The following NOMO1 variants were observed in gnomAD, a reference collection of about 807,000 sequenced individuals.
The protein encoded by NOMO1 is nodal modulator 3.
In NOMO1, 40 loss-of-function variants were observed where a neutral mutation model predicts 133.8. That is an observed-to-expected ratio of 0.30 (90% CI 0.23 to 0.39). The LOEUF (loss-of-function observed/expected upper bound fraction) is 0.39. NOMO1 is among the 10% of genes least tolerant of loss of function. The pLI, the probability that NOMO1 is intolerant of heterozygous loss-of-function variation, is 1.00. For synonymous variants in NOMO1, 236 were observed against 570.5 expected (o/e 0.41, Z 8.36); for missense variants, 462 against 1,419.9 (o/e 0.33, Z 10.84).
Position 14,889,133 on chromosome 16 carries a change from C to T in NOMO1, c.3362C>T (p.Ser1121Phe), listed in dbSNP as rs1261621200. The T allele has an allele frequency of 5.6e-6, 9 of 1,611,644 alleles. No homozygotes were observed. Among genetic ancestry groups the T allele is most frequent in the Admixed American group, 1.7e-5 (1 of 59,978 alleles). ...VVLLDSTLPR[S>F]QYDYILPQVS... ...CTTCTGGACTCCACACTCCCCAGAT[C>T]CCAGTATGACTACATCTTGCCTCAA... The change falls in exon 29 of 31, where the codon TCC (serine) becomes TTC (phenylalanine). Residue 1121 changes from serine to phenylalanine, a missense_variant. Transcript: ENST00000287667.
At chr16:14,877,915 T>TCAAAC (rs57987674) in intron 22 of NOMO1, among the ~76,000 whole-genome samples, 5 of 135,520 alleles carry the variant, frequency 3.7e-5, no homozygotes, top group African/African-American at 1.4e-4. Context: ...GAAATAAAAA[T>TCAAAC]TAAGTGCCTA....
At chr16:14,840,500 T>C in intron 2 of NOMO1, among the ~76,000 whole-genome samples, 1 of 108,376 alleles carries the variant, frequency 9.2e-6, no homozygotes, top group Non-Finnish European at 1.9e-5. Flanking sequence ...GGCAGGAGAA[T>C]CGCTTGAACC....
chr16:14,882,711 G>T (rs1964262234), intron 26 of NOMO1, 34 bp downstream of exon 26: 1 of 1,611,522 alleles, frequency 6.2e-7, no homozygotes, highest in African/African-American at 1.3e-5. Flanking sequence ...GCACCTGGGT[G>T]TGGGTGCCTC....
At chr16:14,889,404 C>T (rs1176246235) in intron 29 of NOMO1, among the ~76,000 whole-genome samples, 189 bp downstream of exon 29, 1 of 152,016 alleles carries the variant, frequency 6.6e-6, no homozygotes, top group Non-Finnish European at 1.5e-5. Context: ...TGGTGGAACG[C>T]ACCTATAGTC....
In NOMO1 at chr16:14,875,279, A is replaced by C. The variant is rs767795500; in HGVS notation, c.2273+25A>C. The C allele has an allele frequency of 1.9e-6, 3 of 1,610,142 alleles. No individual in the cohort carries two copies. In the South Asian group the frequency reaches 3.3e-5, roughly 18 times the overall value. ...GGTAAGCTCTCTTGTGCGTTTCCCT[A>C]CAGTGTCCTCTGTTTTGTGGGGACA... is the stretch of plus-strand genomic sequence containing the variant. On this transcript the variant is annotated intron_variant, in intron 19 of 30. Coordinates refer to ENST00000287667, the MANE Select transcript of NOMO1 (RefSeq NM_014287.4).
intron 27 of NOMO1, among the ~76,000 whole-genome samples, chr16:14,885,144 A>C (rs538735165): frequency 3.3e-5 from 5 of 152,204 alleles, no homozygotes; most frequent in Non-Finnish European, 7.3e-5. Flanking sequence ...CGAGGGATCC[A>C]CCCCAAAGAT....
intron 17 of NOMO1, among the ~76,000 whole-genome samples, chr16:14,871,909 G>A (rs978973256): frequency 6.6e-6 from 1 of 151,210 alleles, no homozygotes; most frequent in African/African-American, 2.4e-5. Context: ...CAGGATAGAG[G>A]GCTGTGTTTT....
intron 4 of NOMO1, among the ~76,000 whole-genome samples, chr16:14,845,325 G>T (rs1963663388): frequency 6.6e-6 from 1 of 151,896 alleles, no homozygotes; most frequent in Non-Finnish European, 1.5e-5. Flanking sequence ...GGTGTACGCT[G>T]TGCACCCAGC....
In NOMO1 at chr16:14,846,936, T is replaced by C. The variant is rs574634280; in HGVS notation, c.509+253T>C. 2.6e-5 allele frequency among the ~76,000 whole-genome samples: 4 copies of C among 151,306 alleles called. No individual in the cohort carries two copies. In the East Asian group the frequency reaches 7.9e-4, roughly 30 times the overall value. On this transcript the variant is annotated intron_variant, in intron 5 of 30. Coordinates refer to ENST00000287667, the MANE Select transcript of NOMO1 (RefSeq NM_014287.4). ...GGCCAGGCATATTGGCTTGCGCCTATAATGCCAGCACTTTGGGAGGCCAGG... is the reference window on the plus strand; with the variant it reads ...GGCCAGGCATATTGGCTTGCGCCTACAATGCCAGCACTTTGGGAGGCCAGG...
chr16:14,867,163 TATATATA>T (rs1567543277), intron 15 of NOMO1, among the ~76,000 whole-genome samples: 5 of 23,146 alleles, frequency 2.2e-4, no homozygotes, highest in African/African-American at 5.5e-4. Flanking sequence ...TATATATATA[TATATATA>T]TATATATTTT....
chr16:14,870,300 T>C (rs1964063563), intron 16 of NOMO1, among the ~76,000 whole-genome samples: 1 of 149,956 alleles, frequency 6.7e-6, no homozygotes, highest in Non-Finnish European at 1.5e-5. Flanking sequence ...ATTTTTTGCC[T>C]TGTATTTTCA....
At chr16:14,867,659 C>T (rs1324231635) in intron 15 of NOMO1, among the ~76,000 whole-genome samples, 18 of 148,808 alleles carry the variant, frequency 1.2e-4, no homozygotes, top group Non-Finnish European at 1.9e-4. Flanking sequence ...GTTTTGATGT[C>T]GAGCGGCGGC....
chr16:14,871,180 T>C (rs1419673983), intron 16 of NOMO1, among the ~76,000 whole-genome samples: 1 of 151,818 alleles, frequency 6.6e-6, no homozygotes, highest in African/African-American at 2.4e-5. Flanking sequence ...TTTCTGGGGC[T>C]TCCCTTACTC....
At chr16:14,857,791 T>C in intron 11 of NOMO1, 136 bp downstream of exon 11, 1 of 543,004 alleles carries the variant, frequency 1.8e-6, no homozygotes, top group Admixed American at 4.4e-5. Context: ...TTTTTTTTTT[T>C]GAGAGACAGA....
intron 28 of NOMO1, among the ~76,000 whole-genome samples, chr16:14,887,473 T>A (rs1177058050): frequency 7.9e-5 from 12 of 151,872 alleles, no homozygotes; most frequent in South Asian, 2.1e-4. Flanking sequence ...CTTTTTTTTT[T>A]TTATTTTTAG....
chr16:14,856,115 T>A (rs1963830286), intron 9 of NOMO1, among the ~76,000 whole-genome samples: 1 of 152,102 alleles, frequency 6.6e-6, no homozygotes, highest in African/African-American at 2.4e-5. Context: ...ATTGAGTGCC[T>A]GCTGTGTACC....
rs930496681 is a variant in NOMO1, at chr16:14,856,673, A to G, written c.964-544A>G. Among the ~76,000 whole-genome samples the G allele has an allele frequency of 1.2e-4, 18 of 151,956 alleles. 1 individual carries two copies. The highest frequency in any genetic ancestry group is 4.4e-4 in the African/African-American group (18 of 41,370). The stretch of plus-strand genomic sequence containing the variant: ...GTGATCTGCCTGCCTCGGCCTCCCA[A>G]AGTGCTGGGATTACAGGCGTGAACC... On this transcript the variant is annotated intron_variant, in intron 9 of 30. Transcript: ENST00000287667.
intron 6 of NOMO1, among the ~76,000 whole-genome samples, chr16:14,851,386 T>C (rs1489907717): frequency 6.6e-6 from 1 of 151,740 alleles, no homozygotes; most frequent in Non-Finnish European, 1.5e-5. Context: ...TGTACACTTT[T>C]CTCTGTGTTT....
At chr16:14,838,622 A>T (rs1963557350) in intron 2 of NOMO1, 126 bp downstream of exon 2, 1 of 891,288 alleles carries the variant, frequency 1.1e-6, no homozygotes. Flanking sequence ...GTGGAATATG[A>T]TAATCCTAGC....
Sources: allele counts gnomAD v4.1 joint callset (sites outside exome capture counted in the v4.1 genomes callset), GRCh38; gene constraint gnomAD v4.1.1; transcripts MANE v1.5; gene names NCBI Gene and HGNC (gene_info 2026-07-23, HGNC 2026-07-21).